Variants in ENTHD1 observed in about 807,000 individuals in gnomAD.
The protein encoded by ENTHD1 is ENTH domain containing 1.
Under a neutral mutation model 39.1 loss-of-function variants are expected in ENTHD1, and 23 were observed. The observed-to-expected ratio is 0.59, with a 90% CI of 0.42 to 0.83. The LOEUF (loss-of-function observed/expected upper bound fraction) is 0.83. ENTHD1 is among the 40% of genes least tolerant of loss of function. The probability of loss-of-function intolerance (pLI) is 0.00; values close to 1 mark genes in which losing one functional copy is unlikely to be tolerated. For synonymous variants in ENTHD1, 230 were observed against 258.2 expected (o/e 0.89, Z 1.05); for missense variants, 624 against 705.4 (o/e 0.88, Z 1.31).
intron 6 of ENTHD1, among the ~76,000 whole-genome samples, chr22:39,751,476 C>G (rs2146534819): frequency 6.6e-6 from 1 of 152,334 alleles, no homozygotes; most frequent in Admixed American, 6.5e-5. Context: ...GAAGATCCAG[C>G]AATCAACTGG....
At chr22:39,870,639 T>C (rs2146743302) in intron 2 of ENTHD1, among the ~76,000 whole-genome samples, 1 of 152,336 alleles carries the variant, frequency 6.6e-6, no homozygotes, top group African/African-American at 2.4e-5. Context: ...ATTCCTTCTT[T>C]GGGTTTATAA....
At chr22:39,839,963 T>C (rs773225764) in intron 3 of ENTHD1, among the ~76,000 whole-genome samples, 3 of 152,196 alleles carry the variant, frequency 2.0e-5, no homozygotes, top group Non-Finnish European at 4.4e-5. Flanking sequence ...AATTAGAATA[T>C]AGTGGGTCTA....
chr22:39,795,505 A>G (rs1181203919), intron 5 of ENTHD1, among the ~76,000 whole-genome samples: 2 of 151,474 alleles, frequency 1.3e-5, no homozygotes, highest in African/African-American at 4.9e-5. Flanking sequence ...GGCTCACTAT[A>G]TAGCCTTGAC....
chr22:39,754,682 C>A (rs1181011948), intron 6 of ENTHD1, among the ~76,000 whole-genome samples: 1 of 152,170 alleles, frequency 6.6e-6, no homozygotes, highest in Admixed American at 6.6e-5. Flanking sequence ...GGATTCTTGA[C>A]TCTAGTTCAC....
At chr22:39,762,832 T>C (rs1417499180) in intron 6 of ENTHD1, among the ~76,000 whole-genome samples, 1 of 152,182 alleles carries the variant, frequency 6.6e-6, no homozygotes, top group East Asian at 1.9e-4. Context: ...TTAATATTAA[T>C]CATAGTTTTA....
intron 4 of ENTHD1, among the ~76,000 whole-genome samples, chr22:39,823,869 G>T (rs905964966): frequency 6.6e-6 from 1 of 151,970 alleles, no homozygotes; most frequent in Non-Finnish European, 1.5e-5. Flanking sequence ...AATATTCATT[G>T]CATGTTTAAG....
intron 5 of ENTHD1, among the ~76,000 whole-genome samples, chr22:39,814,389 A>C (rs1397039047): frequency 6.6e-6 from 1 of 152,152 alleles, no homozygotes; most frequent in East Asian, 1.9e-4. Flanking sequence ...GAGCCCAGGA[A>C]GTTGAGGCTG....
intron 3 of ENTHD1, among the ~76,000 whole-genome samples, chr22:39,843,066 T>C (rs900439267): frequency 2.0e-5 from 3 of 151,862 alleles, no homozygotes; most frequent in African/African-American, 7.3e-5. Flanking sequence ...TCCTCAGGGA[T>C]CTAGAACTAG....
intron 5 of ENTHD1, among the ~76,000 whole-genome samples, chr22:39,792,173 T>C (rs2065509626): frequency 6.6e-6 from 1 of 152,190 alleles, no homozygotes; most frequent in African/African-American, 2.4e-5. Flanking sequence ...GTCTTTTCTA[T>C]TGTGAATAGT....
chr22:39,798,637 A>G lies in ENTHD1; in HGVS notation c.832+22356T>C, dbSNP rs567356841. Among the ~76,000 whole-genome samples, 4 of 152,282 alleles carry G rather than the reference A, an allele frequency of 2.6e-5. No homozygotes were observed. In the East Asian group the frequency reaches 7.7e-4, roughly 29 times the overall value. ...TTGGGCCCCAGTGGTGGCAACAACA[A>G]GCTGAGGGTGCCTGTCCTTGGGCCC... On this transcript the variant is annotated intron_variant, in intron 5 of 6. Transcript: ENST00000325157.
At chr22:39,784,004 A>G (rs1470353952) in intron 5 of ENTHD1, among the ~76,000 whole-genome samples, 1 of 152,240 alleles carries the variant, frequency 6.6e-6, no homozygotes, top group Admixed American at 6.5e-5. Flanking sequence ...TACCCATCTG[A>G]CAAGGGATTA....
chr22:39,833,209 G>C (rs1177646907), intron 4 of ENTHD1, among the ~76,000 whole-genome samples: 1 of 151,998 alleles, frequency 6.6e-6, no homozygotes, highest in Non-Finnish European at 1.5e-5. Flanking sequence ...GGGGTGAAGG[G>C]GAAGAAATAC....
intron 4 of ENTHD1, among the ~76,000 whole-genome samples, chr22:39,829,755 C>A (rs748187145): frequency 3.4e-4 from 51 of 151,566 alleles, no homozygotes; most frequent in Admixed American, 9.9e-4. Context: ...CATGCCAGTG[C>A]ACTTCAGCCT....
intron 4 of ENTHD1, among the ~76,000 whole-genome samples, chr22:39,826,380 G>T (rs2065826777): frequency 6.7e-6 from 1 of 150,322 alleles, no homozygotes; most frequent in African/African-American, 2.4e-5. Context: ...CAAAGAACTG[G>T]CTTTTTGTAT....
chr22:39,767,367 G>A (rs2065285081), intron 5 of ENTHD1, among the ~76,000 whole-genome samples: 1 of 152,128 alleles, frequency 6.6e-6, no homozygotes, highest in Admixed American at 6.5e-5. Context: ...CGCAGTGCCT[G>A]TAGTCCCAGC....
chr22:39,862,988 C>T (rs1411327322), intron 2 of ENTHD1, among the ~76,000 whole-genome samples: 1 of 152,154 alleles, frequency 6.6e-6, no homozygotes, highest in Non-Finnish European at 1.5e-5. Context: ...CACATGAGGA[C>T]ACAGCATTCC....
At chr22:39,777,410 G>C (rs1231144089) in intron 5 of ENTHD1, among the ~76,000 whole-genome samples, 1 of 152,162 alleles carries the variant, frequency 6.6e-6, no homozygotes, top group Non-Finnish European at 1.5e-5. Flanking sequence ...GTGTGTGTGT[G>C]TGTACACAGT....
At chr22:39,797,771 T>A (rs2065562801) in intron 5 of ENTHD1, among the ~76,000 whole-genome samples, 1 of 152,204 alleles carries the variant, frequency 6.6e-6, no homozygotes, top group Non-Finnish European at 1.5e-5. Flanking sequence ...ACTCAATCTC[T>A]GCTTGTCTGT....
At chr22:39,744,385 CATAA>C in intron 6 of ENTHD1, 102 bp from the exon 7 acceptor site, 2 of 1,043,384 alleles carry the variant, frequency 1.9e-6, no homozygotes, top group Non-Finnish European at 2.7e-6. Context: ...AAGGGCTCAA[CATAA>C]ATAAACTGCT....
Sources: allele counts gnomAD v4.1 joint callset (sites outside exome capture counted in the v4.1 genomes callset), GRCh38; gene constraint gnomAD v4.1.1; transcripts MANE v1.5; gene names NCBI Gene and HGNC (gene_info 2026-07-23, HGNC 2026-07-21).